The following SH3GL3 variants were observed in gnomAD, a reference collection of about 807,000 sequenced individuals.
The protein encoded by SH3GL3 is endophilin-A3.
Under a neutral mutation model 47.7 loss-of-function variants are expected in SH3GL3, and 33 were observed. That is an observed-to-expected ratio of 0.69 (90% CI 0.52 to 0.92). SH3GL3 has a LOEUF of 0.92. SH3GL3 is among the 40% of genes least tolerant of loss of function. The pLI, the probability that SH3GL3 is intolerant of heterozygous loss-of-function variation, is 0.00. For synonymous variants in SH3GL3, 155 were observed against 148.8 expected (o/e 1.04, Z -0.30); for missense variants, 363 against 417.8 (o/e 0.87, Z 1.14).
chr15:83,505,819 T>G lies in SH3GL3; in HGVS notation c.46-53434T>G, dbSNP rs538666768. ...TGCTGGGATTACAGGCATGAGCCAC[T>G]GCGTCCGGCCTGAATTTCCTTTTTA... On this transcript the variant is annotated intron_variant, in intron 1 of 8. Transcript: ENST00000427482. 1.2e-4 allele frequency among the ~76,000 whole-genome samples: 18 copies of G among 152,322 alleles called. No individual in the cohort carries two copies. The South Asian group carries it at 3.7e-3, about 32-fold the overall frequency.
chr15:83,631,012 C>CGGGT, the SH3GL3 span, among the ~76,000 whole-genome samples: 1 of 152,246 alleles, frequency 6.6e-6, no homozygotes, highest in East Asian at 1.9e-4. Context: ...TAGTAACTAA[C>CGGGT]GGGTATAGGC....
chr15:83,589,241 C>T (rs1055492176), intron 8 of SH3GL3, among the ~76,000 whole-genome samples: 3 of 152,130 alleles, frequency 2.0e-5, no homozygotes, highest in African/African-American at 7.2e-5. Context: ...ATTCTATAGT[C>T]TCTTGTGATC....
At chr15:83,552,891 A>G (rs1168541003) in intron 1 of SH3GL3, among the ~76,000 whole-genome samples, 1 of 152,190 alleles carries the variant, frequency 6.6e-6, no homozygotes, top group Non-Finnish European at 1.5e-5. Context: ...TGGAAACAAT[A>G]TCATTATTAT....
At chr15:83,606,368 T>C (rs1271490773) in intron 8 of SH3GL3, among the ~76,000 whole-genome samples, 1 of 152,208 alleles carries the variant, frequency 6.6e-6, no homozygotes, top group East Asian at 1.9e-4. Flanking sequence ...AGGATTACAT[T>C]AGAAAATAAA....
intron 1 of SH3GL3, among the ~76,000 whole-genome samples, chr15:83,535,304 T>C (rs2043856281): frequency 6.6e-6 from 1 of 152,214 alleles, no homozygotes; most frequent in Non-Finnish European, 1.5e-5. Flanking sequence ...GATTAAACTT[T>C]CCTAGGTTGG....
chr15:83,554,802 G>T (rs56343748), intron 1 of SH3GL3, among the ~76,000 whole-genome samples: 6,158 of 152,218 alleles, frequency 0.04, 156 homozygotes, highest in Non-Finnish European at 0.061. Flanking sequence ...TTTTTCCCCT[G>T]CGATAGTTTT....
At chr15:83,510,023 G>C (rs140648907) in intron 1 of SH3GL3, among the ~76,000 whole-genome samples, 2 of 152,172 alleles carry the variant, frequency 1.3e-5, no homozygotes, top group East Asian at 3.9e-4. Context: ...ATTAATGTAT[G>C]TGTTCACCCA....
At chr15:83,617,458 CT>C (rs1567042213) in intron 8 of SH3GL3, among the ~76,000 whole-genome samples, 1 of 152,218 alleles carries the variant, frequency 6.6e-6, no homozygotes, top group Non-Finnish European at 1.5e-5. Flanking sequence ...GAGCAGATCA[CT>C]TAAGGCCAGG....
intron 1 of SH3GL3, among the ~76,000 whole-genome samples, chr15:83,496,372 G>GAA (rs777260905): frequency 0.013 from 1,662 of 131,216 alleles, 12 homozygotes; most frequent in Non-Finnish European, 0.017. Flanking sequence ...AAAAAAAAAA[G>GAA]AAAAAAAAAA....
At chr15:83,610,720 C>T (rs1024300957) in intron 8 of SH3GL3, among the ~76,000 whole-genome samples, 5 of 152,052 alleles carry the variant, frequency 3.3e-5, no homozygotes, top group African/African-American at 1.2e-4. Context: ...TTCTCCATCC[C>T]TCACATTGGG....
At chr15:83,531,534 G>C (rs1424813874) in intron 1 of SH3GL3, among the ~76,000 whole-genome samples, 1 of 152,210 alleles carries the variant, frequency 6.6e-6, no homozygotes, top group African/African-American at 2.4e-5. Flanking sequence ...CTGGAGAGAG[G>C]TAAGTGGCAG....
intron 1 of SH3GL3, among the ~76,000 whole-genome samples, chr15:83,463,839 G>A (rs1019244597): frequency 3.2e-4 from 47 of 147,710 alleles, no homozygotes; most frequent in African/African-American, 1.2e-3. Context: ...CACGATATTG[G>A]CTCACTGCAA....
chr15:83,568,601 C>G lies in SH3GL3; in HGVS notation c.260C>G (p.Pro87Arg), dbSNP rs780744126. The change falls in exon 4 of 9, where the codon CCG becomes CGG. Residue 87 changes from proline to arginine, a missense_variant. Physicochemically the swap from Pro to Arg is moderately radical, Grantham distance 103. Transcript: ENST00000427482. Reference protein sequence around the residue: ...IRGQVKTTGYPQTEGLLGDCM... With the variant: ...IRGQVKTTGYRQTEGLLGDCM... ...GGGCAGGTGAAGACCACAGGATACC[C>G]GCAGACGGAAGGCTTGCTGGGGGAC... 3.7e-6 allele frequency: 6 copies of G among 1,613,104 alleles called. No homozygotes were observed. The highest frequency in any genetic ancestry group is 1.7e-5 in the Admixed American group (1 of 60,008).
intron 1 of SH3GL3, among the ~76,000 whole-genome samples, chr15:83,553,894 C>T (rs374888534): frequency 6.6e-6 from 1 of 152,186 alleles, no homozygotes; most frequent in South Asian, 2.1e-4. Flanking sequence ...TTATTCTCAC[C>T]GTTGTTTCCT....
At chr15:83,606,264 A>G (rs1158078631) in intron 8 of SH3GL3, among the ~76,000 whole-genome samples, 1 of 152,224 alleles carries the variant, frequency 6.6e-6, no homozygotes, top group Non-Finnish European at 1.5e-5. Context: ...CTCTAGGTAT[A>G]AAAGAGACTT....
intron 1 of SH3GL3, among the ~76,000 whole-genome samples, chr15:83,450,388 T>C (rs1250011664): frequency 6.6e-6 from 1 of 152,184 alleles, no homozygotes; most frequent in African/African-American, 2.4e-5. Context: ...ACAAAGATGA[T>C]AAAGTGGACC....
chr15:83,631,011 A>G, the SH3GL3 span, among the ~76,000 whole-genome samples: 2 of 152,180 alleles, frequency 1.3e-5, no homozygotes, highest in African/African-American at 4.8e-5. Flanking sequence ...CTAGTAACTA[A>G]CGGGTATAGG....
chr15:83,616,146 A>C (rs1395250298), intron 8 of SH3GL3, among the ~76,000 whole-genome samples: 1 of 152,122 alleles, frequency 6.6e-6, no homozygotes, highest in Non-Finnish European at 1.5e-5. Context: ...AAATATGTGT[A>C]GTATAAAGGG....
chr15:83,618,022 T>A, intron 8 of SH3GL3, 60 bp from the exon 9 acceptor site: 1 of 1,171,496 alleles, frequency 8.5e-7, no homozygotes, highest in South Asian at 1.2e-5. Context: ...ACATTTCCAA[T>A]TTCCCATGGA....
Sources: allele counts gnomAD v4.1 joint callset (sites outside exome capture counted in the v4.1 genomes callset), GRCh38; gene constraint gnomAD v4.1.1; transcripts MANE v1.5; gene names NCBI Gene and HGNC (gene_info 2026-07-23, HGNC 2026-07-21).